The following ZCCHC24 variants were observed in gnomAD, a reference collection of about 807,000 sequenced individuals.
The protein encoded by ZCCHC24 is zinc finger CCHC-type containing 24.
ZCCHC24 carries 10 observed loss-of-function variants against 26.2 expected under a neutral mutation model. The ratio of observed to expected loss-of-function variants is 0.38; its 90% confidence interval spans 0.24 to 0.65. The LOEUF (loss-of-function observed/expected upper bound fraction) is 0.65. Ranked by LOEUF, ZCCHC24 falls within the 30% of genes least tolerant of loss-of-function variation. The pLI is 0.54. For missense variants in ZCCHC24, 243 were observed against 329.1 expected, an observed-to-expected ratio of 0.74 and a Z score of 2.03; for synonymous variants, 144 against 147.1, an observed-to-expected ratio of 0.98 and a Z score of 0.15.
intron 2 of ZCCHC24, among the ~76,000 whole-genome samples, chr10:79,428,449 TAAATTTCAGTTTTGCAAG>T (rs1857073340): frequency 1.9e-5 from 1 of 51,316 alleles, no homozygotes; most frequent in Non-Finnish European, 4.0e-5. Flanking sequence ...TTTTGCAAGA[TAAATTTCAGTTTTGCAAG>T]ATAAATTTCA....
At chr10:79,430,601 C>A (rs1305400000) in intron 2 of ZCCHC24, among the ~76,000 whole-genome samples, 1 of 151,820 alleles carries the variant, frequency 6.6e-6, no homozygotes, top group African/African-American at 2.4e-5. Context: ...TGCCAGGGAC[C>A]TTCTGCCCCA....
At chr10:79,420,051 G>A (rs1193577374) in intron 2 of ZCCHC24, among the ~76,000 whole-genome samples, 2 of 147,714 alleles carry the variant, frequency 1.4e-5, no homozygotes, top group Non-Finnish European at 3.0e-5. Flanking sequence ...CACACTCCAT[G>A]CCCCACCCCT....
chr10:79,429,364 C>T (rs1857094686), intron 2 of ZCCHC24, among the ~76,000 whole-genome samples: 1 of 152,160 alleles, frequency 6.6e-6, no homozygotes, highest in African/African-American at 2.4e-5. Flanking sequence ...AGGTGGATCA[C>T]TTAGACCAGG....
At chr10:79,411,012 G>A (rs578135137) in intron 2 of ZCCHC24, among the ~76,000 whole-genome samples, 8 of 152,300 alleles carry the variant, frequency 5.3e-5, no homozygotes, top group Non-Finnish European at 1.2e-4. Flanking sequence ...TGGGGGACAA[G>A]GCCAGGGTGG....
At chr10:79,418,340 A>T (rs1433290311) in intron 2 of ZCCHC24, among the ~76,000 whole-genome samples, 1 of 152,170 alleles carries the variant, frequency 6.6e-6, no homozygotes, top group East Asian at 1.9e-4. Context: ...AACTTGGCCA[A>T]TGTTGAACAG....
At chr10:79,423,774 T>G (rs1360793127) in intron 2 of ZCCHC24, among the ~76,000 whole-genome samples, 1 of 150,126 alleles carries the variant, frequency 6.7e-6, no homozygotes, top group Non-Finnish European at 1.5e-5. Flanking sequence ...TTCCAGCATT[T>G]TGGGAGGCCA....
intron 2 of ZCCHC24, among the ~76,000 whole-genome samples, chr10:79,429,895 C>T (rs1247305028): frequency 5.3e-5 from 8 of 152,188 alleles, no homozygotes; most frequent in Admixed American, 5.2e-4. Flanking sequence ...TTGCACTGAG[C>T]ACCGCTGCGT....
At chr10:79,396,531 G>A (rs780221704) in intron 2 of ZCCHC24, among the ~76,000 whole-genome samples, 3 of 152,118 alleles carry the variant, frequency 2.0e-5, no homozygotes, top group East Asian at 3.8e-4. Context: ...CTAGGCCCTC[G>A]CAGGCTTTGA....
At chr10:79,433,990 C>A (rs1398030922) in intron 1 of ZCCHC24, among the ~76,000 whole-genome samples, 1 of 152,232 alleles carries the variant, frequency 6.6e-6, no homozygotes, top group Non-Finnish European at 1.5e-5. Context: ...TCCCAGCCAC[C>A]CAACTGTATC....
intron 1 of ZCCHC24, among the ~76,000 whole-genome samples, chr10:79,441,124 G>T (rs1004259194): frequency 8.5e-6 from 1 of 117,952 alleles, no homozygotes; most frequent in African/African-American, 4.2e-5. Flanking sequence ...ACACCACAAA[G>T]GCTGCTGGGA....
chr10:79,392,043 G>A (rs575765590), intron 3 of ZCCHC24, among the ~76,000 whole-genome samples: 9 of 151,694 alleles, frequency 5.9e-5, no homozygotes, highest in African/African-American at 1.7e-4. Flanking sequence ...AGGCCCACCC[G>A]GCCTCCCTCT....
At chr10:79,435,822 T>G (rs912143860) in intron 1 of ZCCHC24, among the ~76,000 whole-genome samples, 2 of 152,216 alleles carry the variant, frequency 1.3e-5, no homozygotes, top group African/African-American at 4.8e-5. Context: ...AGGCCCCGTT[T>G]GAGCTCAGGC....
At position 79,435,801 on chromosome 10, in the gene ZCCHC24, C is replaced by T. The variant is rs573899449; in HGVS notation, c.247-3043G>A. 8.7e-4 allele frequency among the ~76,000 whole-genome samples: 132 copies of T among 152,342 alleles called. 2 individuals are homozygous for T. The highest frequency in any genetic ancestry group is 2.2e-3 in the Admixed American group (33 of 15,308). ...GAAGGGTGGGTGAGGCAGTGAGCTG[C>T]TTCCTCTCTGAGGCCCCGTTTGAGC... On this transcript the variant is annotated intron_variant, in intron 1 of 3. Transcript: ENST00000372336.
At chr10:79,435,630 G>C (rs899575010) in intron 1 of ZCCHC24, among the ~76,000 whole-genome samples, 13 of 152,234 alleles carry the variant, frequency 8.5e-5, no homozygotes, top group African/African-American at 3.1e-4. Context: ...CGCTACCTTA[G>C]AGCCGAAAGG....
chr10:79,416,340 G>T (rs1211415324), intron 2 of ZCCHC24, among the ~76,000 whole-genome samples: 1 of 152,188 alleles, frequency 6.6e-6, no homozygotes, highest in East Asian at 1.9e-4. Context: ...TGGCTGGTTA[G>T]AACCAAACGC....
chr10:79,436,473 C>T (rs906050669), intron 1 of ZCCHC24, among the ~76,000 whole-genome samples: 2 of 152,250 alleles, frequency 1.3e-5, no homozygotes, highest in South Asian at 2.1e-4. Flanking sequence ...CCCACCCCAG[C>T]GTAGCCCAGT....
intron 1 of ZCCHC24, among the ~76,000 whole-genome samples, chr10:79,441,779 C>T (rs1333462070): frequency 2.0e-5 from 3 of 152,180 alleles, no homozygotes; most frequent in Non-Finnish European, 4.4e-5. Context: ...AGGGCCACAC[C>T]TTCCAGCTAC....
At chr10:79,435,983 G>A (rs970561401) in intron 1 of ZCCHC24, among the ~76,000 whole-genome samples, 10 of 152,208 alleles carry the variant, frequency 6.6e-5, no homozygotes, top group Non-Finnish European at 2.9e-5. Flanking sequence ...GTGTAAAATG[G>A]AGCGGGGAAG....
chr10:79,386,544 G>A (rs1738316886), intron 3 of ZCCHC24, 86 bp from the exon 4 acceptor site: 3 of 1,090,778 alleles, frequency 2.8e-6, no homozygotes, highest in Non-Finnish European at 3.9e-6. Context: ...GACACACAGA[G>A]ACAGACAGGT....
Sources: gnomAD v4.1 joint callset for allele counts (sites outside exome capture counted in the v4.1 genomes callset) on GRCh38, gnomAD v4.1.1 for gene constraint, MANE v1.5 for transcripts, NCBI Gene and HGNC (gene_info 2026-07-23, HGNC 2026-07-21) for gene names.